The following ZCCHC8 variants were observed in gnomAD, a reference collection of about 807,000 sequenced individuals.
ZCCHC8 encodes the protein zinc finger CCHC-type containing 8.
In ZCCHC8, 27 loss-of-function variants were observed where a neutral mutation model predicts 70.6. That is an observed-to-expected ratio of 0.38 (90% confidence interval 0.28 to 0.53). ZCCHC8 has a LOEUF of 0.53. Ranked by LOEUF, ZCCHC8 falls within the 20% of genes least tolerant of loss-of-function variation. The pLI, the probability that ZCCHC8 is intolerant of heterozygous loss-of-function variation, is 0.81. For synonymous variants in ZCCHC8, 293 were observed against 317.4 expected (o/e 0.92, Z 0.82); for missense variants, 737 against 876.9 (o/e 0.84, Z 2.01).
At chr12:122,498,996 G>C (rs1226494371) in intron 1 of ZCCHC8, 127 bp from the exon 2 acceptor site, 1 of 881,354 alleles carries the variant, frequency 1.1e-6, no homozygotes, top group Non-Finnish European at 1.8e-6. Flanking sequence ...TTTTGAGGAT[G>C]ACACACTTAT....
Position 122,484,770 on chromosome 12 carries a change from C to T in ZCCHC8, c.502-1207G>A, listed in dbSNP as rs557053732. On this transcript the variant is annotated intron_variant, in intron 5 of 13. Transcript: ENST00000633063. Reference sequence around the variant, plus strand: ...TCTATACATATCACTGGGCTGAGCTCCTAACAATGGAGCTTCCCAATGACC... The same window carrying T: ...TCTATACATATCACTGGGCTGAGCTTCTAACAATGGAGCTTCCCAATGACC... Among the ~76,000 whole-genome samples, 5 of 152,176 alleles carry T rather than the reference C, an allele frequency of 3.3e-5. 1 individual carries two copies. In the South Asian group the frequency reaches 1.0e-3, roughly 32 times the overall value.
chr12:122,479,255 T>C (rs1957482957), intron 11 of ZCCHC8, among the ~76,000 whole-genome samples: 1 of 152,168 alleles, frequency 6.6e-6, no homozygotes, highest in Non-Finnish European at 1.5e-5. Flanking sequence ...TTTATATTTT[T>C]AGTAGAGATA....
chr12:122,488,883 A>T (rs931044274), intron 5 of ZCCHC8, among the ~76,000 whole-genome samples: 19 of 152,076 alleles, frequency 1.2e-4, no homozygotes, highest in African/African-American at 4.3e-4. Context: ...AAAAAAAAAA[A>T]AAAAAATTAT....
chr12:122,500,395 G>C lies in ZCCHC8; in HGVS notation c.199+247C>G. On this transcript the variant is annotated intron_variant, in intron 1 of 13. Coordinates refer to ENST00000633063, the MANE Select transcript of ZCCHC8 (RefSeq NM_017612.5). This position sits in a 1 kb window ranked among gnomAD's most constrained non-coding sequence, Gnocchi z 4.8. Reference sequence around the variant, plus strand: ...TAACCCTAAACACGGCACCCGGGTGGGAGGCAGGAGTGGGTCTGGTCAGGA... The same window carrying C: ...TAACCCTAAACACGGCACCCGGGTGCGAGGCAGGAGTGGGTCTGGTCAGGA... 1 of 535,996 alleles carries C rather than the reference G, an allele frequency of 1.9e-6. No homozygotes were observed. 33.2% of individuals were successfully genotyped at this position (535,996 alleles called of 1,614,324 possible).
chr12:122,472,473 C>T lies in ZCCHC8; in HGVS notation c.*1024G>A, dbSNP rs1300634500. 2.0e-5 allele frequency: 3 copies of T among 152,238 alleles called. No individual in the cohort carries two copies. Among genetic ancestry groups the T allele is most frequent in the African/African-American group, 7.2e-5 (3 of 41,442 alleles). The allele number at this position is 152,238 out of a possible 1,614,324, so 9.4% of individuals were successfully genotyped here. A position where few individuals can be genotyped will look rare whatever the true frequency, so the allele number is the denominator to read the frequency against. On this transcript the variant is annotated 3_prime_UTR_variant, in exon 14 of 14. Transcript: ENST00000633063. ...CCTTCCTCCTTGGCCTCCCAAAGTGCTAGGATTATAAGCATGAGCCACCAC... is the reference window on the plus strand; with the variant it reads ...CCTTCCTCCTTGGCCTCCCAAAGTGTTAGGATTATAAGCATGAGCCACCAC...
intron 1 of ZCCHC8, 157 bp from the exon 2 acceptor site, chr12:122,499,026 A>C: frequency 1.4e-6 from 1 of 716,934 alleles, no homozygotes; most frequent in Non-Finnish European, 2.3e-6. Context: ...ATTTTGTTGC[A>C]GGGGTAGGCT....
At position 122,500,315 on chromosome 12, in the gene ZCCHC8, A is replaced by T; in HGVS notation, c.199+327T>A. The T allele has an allele frequency of 3.4e-6, 1 of 297,042 alleles. No individual in the cohort carries two copies. Among genetic ancestry groups the T allele is most frequent in the Non-Finnish European group, 6.3e-6 (1 of 158,998 alleles). The allele number at this position is 297,042 out of a possible 1,614,324, so 18.4% of individuals were successfully genotyped here. A position where few individuals can be genotyped will look rare whatever the true frequency, so the allele number is the denominator to read the frequency against. Reference sequence around the variant, plus strand: ...ATATGAAACCTCACCACGACCTCAAACAGAGGGGGGCAATTAAGGGCTTGT... The same window carrying T: ...ATATGAAACCTCACCACGACCTCAATCAGAGGGGGGCAATTAAGGGCTTGT... On this transcript the variant is annotated intron_variant, in intron 1 of 13. Transcript: ENST00000633063. This position sits in a 1 kb window ranked among gnomAD's most constrained non-coding sequence, Gnocchi z 4.8.
Position 122,473,939 on chromosome 12 carries a change from T to C in ZCCHC8, c.1682A>G (p.Asn561Ser). The C allele has an allele frequency of 6.2e-7, 1 of 1,612,264 alleles. No homozygotes were observed. Among genetic ancestry groups the C allele is most frequent in the Non-Finnish European group, 8.5e-7 (1 of 1,179,404 alleles). The part of the protein sequence containing the change: ...GNSVASSPCP[N>S]ELDLPVPEGK... ...CTCCGGGACAGGGAGGTCTAGCTCATTTGGACAAGGTGATGAGGCAACGGA... is the reference window on the plus strand; with the variant it reads ...CTCCGGGACAGGGAGGTCTAGCTCACTTGGACAAGGTGATGAGGCAACGGA... Residue 561 changes from asparagine (N) to serine (S), a missense_variant, in exon 14 of 14, where the codon AAT becomes AGT. Asn to Ser is a conservative substitution (Grantham distance 46). Transcript: ENST00000633063.
intron 2 of ZCCHC8, among the ~76,000 whole-genome samples, chr12:122,494,728 G>A (rs1250046105): frequency 3.3e-5 from 5 of 152,114 alleles, no homozygotes; most frequent in Non-Finnish European, 7.4e-5. Flanking sequence ...GGCGGCACGC[G>A]CCTGTAGTCC....
intron 4 of ZCCHC8, among the ~76,000 whole-genome samples, chr12:122,490,019 CCTCT>C (rs142075072): frequency 2.6e-4 from 39 of 150,000 alleles, no homozygotes; most frequent in African/African-American, 6.8e-4. Flanking sequence ...CTCTGATTCT[CCTCT>C]CTCTCTCTCT....
At chr12:122,489,083 A>G (rs1957697161) in intron 5 of ZCCHC8, among the ~76,000 whole-genome samples, 1 of 152,182 alleles carries the variant, frequency 6.6e-6, no homozygotes, top group African/African-American at 2.4e-5. Flanking sequence ...TCTCAGCTTT[A>G]GCCATGTATA....
Position 122,477,842 on chromosome 12 carries a change from T to A in ZCCHC8, c.1344A>T (p.Ser448=). ...AGSPADMELD[S]DMEVPHGSQS... ...TCAGAGCCATAGGATGAAACCTACC[T>A]GAATCGAGCTCCATGTCGGCGGGAG... is the stretch of plus-strand genomic sequence containing the variant. The change falls in exon 13 of 14, where the codon TCA becomes TCT. Residue 448 remains serine (S), a splice_region_variant and synonymous_variant. Transcript: ENST00000633063. 1 of 1,600,318 alleles carries A rather than the reference T, an allele frequency of 6.2e-7. No individual in the cohort carries two copies.
chr12:122,474,072 G>T lies in ZCCHC8; in HGVS notation c.1549C>A (p.Leu517Ile). Residue 517 changes from leucine to isoleucine, a missense_variant, in exon 14 of 14, where the codon CTA (leucine) becomes ATA (isoleucine). By Grantham distance (5) the Leu-to-Ile change is conservative (BLOSUM62 2). Transcript: ENST00000633063. Reference protein sequence around the residue: ...SGAVDEDALTLEELEEQQRRI... With the variant: ...SGAVDEDALTIEELEEQQRRI... The stretch of plus-strand genomic sequence containing the variant: ...CTCTGCTGTTCTTCAAGTTCTTCTA[G>T]AGTCAGTGCGTCCTCATCCACAGCT... 6.6e-7 allele frequency: 1 copy of T among 1,522,950 alleles called. No individual in the cohort carries two copies. The highest frequency in any genetic ancestry group is 8.8e-7 in the Non-Finnish European group (1 of 1,138,148). 94.3% of individuals were successfully genotyped at this position (1,522,950 alleles called of 1,614,324 possible).
At chr12:122,481,343 C>G in intron 10 of ZCCHC8, 179 bp downstream of exon 10, 2 of 790,460 alleles carry the variant, frequency 2.5e-6, no homozygotes, top group Non-Finnish European at 1.9e-6. Flanking sequence ...AGATAATCTA[C>G]AAACTCACTG....
At chr12:122,478,525 A>C (rs1294069070) in intron 11 of ZCCHC8, 9 of 446,856 alleles carry the variant, frequency 2.0e-5, no homozygotes, top group Non-Finnish European at 8.1e-6. Context: ...ACTTGGCCAA[A>C]AAAGGTTCTA....
intron 11 of ZCCHC8, among the ~76,000 whole-genome samples, chr12:122,479,501 G>A (rs1957488123): frequency 1.3e-5 from 2 of 152,134 alleles, no homozygotes; most frequent in Admixed American, 1.3e-4. Context: ...ATTTTACTTT[G>A]AGGGGAAAAA....
intron 13 of ZCCHC8, among the ~76,000 whole-genome samples, chr12:122,475,359 C>G (rs1957399150): frequency 6.6e-6 from 1 of 152,018 alleles, no homozygotes; most frequent in African/African-American, 2.4e-5. Flanking sequence ...ATTGTTTTCT[C>G]TAATCTACAC....
intron 13 of ZCCHC8, among the ~76,000 whole-genome samples, chr12:122,474,734 C>CT (rs1235367292): frequency 0.037 from 4,658 of 124,698 alleles, 204 homozygotes; most frequent in African/African-American, 0.1. Flanking sequence ...TTTCCTAGCT[C>CT]TTTTTTTTTT....
rs1473975713 is a variant in ZCCHC8, at chr12:122,500,352, C to T, written c.199+290G>A. On this transcript the variant is annotated intron_variant, in intron 1 of 13. Transcript: ENST00000633063. The surrounding 1 kb of genome is among the most constrained non-coding windows in gnomAD (Gnocchi z 4.8). ...AATTAAGGGCTTGTGTACAATCTGT[C>T]AGGTGAGCAGCCTAAAATAACCCTA... is the stretch of plus-strand genomic sequence containing the variant. The T allele has an allele frequency of 6.9e-6, 3 of 433,052 alleles. No homozygotes were observed. Among genetic ancestry groups the T allele is most frequent in the Non-Finnish European group, 1.3e-5 (3 of 239,366 alleles). 26.8% of individuals were successfully genotyped at this position (433,052 alleles called of 1,614,324 possible). A position where few individuals can be genotyped will look rare whatever the true frequency, so the allele number is the denominator to read the frequency against.
Sources: gnomAD v4.1 joint callset for allele counts (sites outside exome capture counted in the v4.1 genomes callset) on GRCh38, gnomAD v4.1.1 for gene constraint, Gnocchi (gnomAD v3.1) non-coding constraint, MANE v1.5 for transcripts, NCBI Gene and HGNC (gene_info 2026-07-23, HGNC 2026-07-21) for gene names.